Variants in TRPM3 observed in about 807,000 individuals in gnomAD.
The protein encoded by TRPM3 is long transient receptor potential channel 3.
TRPM3 carries 77 observed loss-of-function variants against 181.2 expected under a neutral mutation model. The ratio of observed to expected loss-of-function variants is 0.42; its 90% confidence interval spans 0.35 to 0.51. TRPM3 has a LOEUF of 0.51. Ranked by LOEUF, TRPM3 falls within the 20% of genes least tolerant of loss-of-function variation. The probability of loss-of-function intolerance (pLI) is 0.01; values close to 1 mark genes in which losing one functional copy is unlikely to be tolerated. For synonymous variants in TRPM3, 745 were observed against 796.4 expected, an observed-to-expected ratio of 0.94 and a Z score of 1.09; for missense variants, 1,759 against 2,196.7, an observed-to-expected ratio of 0.80 and a Z score of 3.98.
intron 6 of TRPM3, among the ~76,000 whole-genome samples, chr9:70,799,066 G>A (rs747588947): frequency 6.6e-6 from 1 of 152,200 alleles, no homozygotes; most frequent in Non-Finnish European, 1.5e-5. Context: ...CAGCTAAAGC[G>A]ACAAAGTATC....
rs376967515 is a variant in TRPM3, at chr9:71,446,068, T to C, written c.183+585A>G. Among the ~76,000 whole-genome samples, 10 of 152,334 alleles carry C rather than the reference T, an allele frequency of 6.6e-5. No individual in the cohort carries two copies. In the South Asian group the frequency reaches 1.9e-3, roughly 28 times the overall value. ...TAGACAGTGAAGAGGAGCTGACACA[T>C]GGGAAAACTTGTCTGAACGCTGTAT... On this transcript the variant is annotated intron_variant, in intron 1 of 24. Coordinates refer to the TRPM3 transcript ENST00000357533.
chr9:71,375,916 T>C (rs1395233778), intron 1 of TRPM3, among the ~76,000 whole-genome samples: 1 of 152,138 alleles, frequency 6.6e-6, no homozygotes, highest in African/African-American at 2.4e-5. Context: ...CAGTGTAGTG[T>C]AAACATAACA....
chr9:70,984,826 TTAA>T (rs2097402771), intron 1 of TRPM3, among the ~76,000 whole-genome samples: 1 of 152,232 alleles, frequency 6.6e-6, no homozygotes, highest in African/African-American at 2.4e-5. Context: ...AGAGAACAAA[TTAA>T]TGTTATTTTA....
chr9:71,319,074 T>A (rs1473631000), intron 1 of TRPM3, among the ~76,000 whole-genome samples: 1 of 152,210 alleles, frequency 6.6e-6, no homozygotes, highest in African/African-American at 2.4e-5. Context: ...GTTTTTTATT[T>A]TTAGTATTTC....
At chr9:71,251,562 A>T (rs977662986) in intron 1 of TRPM3, among the ~76,000 whole-genome samples, 1 of 152,112 alleles carries the variant, frequency 6.6e-6, no homozygotes. Flanking sequence ...CTCCAAAGGA[A>T]TTTTTTTAAT....
At chr9:70,606,204 ATCTGTCTG>A (rs936827222) in intron 19 of TRPM3, among the ~76,000 whole-genome samples, 9 of 152,108 alleles carry the variant, frequency 5.9e-5, no homozygotes, top group Admixed American at 4.6e-4. Flanking sequence ...ATATCTATCT[ATCTGTCTG>A]TCTGTATCTC....
At chr9:70,907,146 T>A (rs1360667343) in intron 1 of TRPM3, among the ~76,000 whole-genome samples, 1 of 152,214 alleles carries the variant, frequency 6.6e-6, no homozygotes, top group Non-Finnish European at 1.5e-5. Flanking sequence ...TGTTTAAATA[T>A]GTCTACTTGC....
rs553657522 is a variant in TRPM3 at position 71,394,698 on chromosome 9, T to A, written c.183+51955A>T. Reference sequence around the variant, plus strand: ...CTATGTCACACAATCTTTTCTCAGATCCACAGTAAAGTTTTCCCTGGTTGA... The same window carrying A: ...CTATGTCACACAATCTTTTCTCAGAACCACAGTAAAGTTTTCCCTGGTTGA... On this transcript the variant is annotated intron_variant, in intron 1 of 24. Transcript: ENST00000357533. Among the ~76,000 whole-genome samples the A allele has an allele frequency of 4.6e-5, 7 of 152,312 alleles. No homozygotes were observed. The East Asian group carries it at 1.2e-3, about 25-fold the overall frequency.
chr9:71,306,866 C>T (rs1036973764), intron 1 of TRPM3, among the ~76,000 whole-genome samples: 4 of 149,812 alleles, frequency 2.7e-5, no homozygotes, highest in East Asian at 3.9e-4. Flanking sequence ...AGCGAGACTC[C>T]GTCTCAACAA....
At chr9:70,660,477 T>C (rs1270849814) in intron 9 of TRPM3, among the ~76,000 whole-genome samples, 1 of 152,112 alleles carries the variant, frequency 6.6e-6, no homozygotes, top group Non-Finnish European at 1.5e-5. Context: ...ATCCTACATA[T>C]GTTGACTGAT....
rs199563585 is a variant in TRPM3 at position 71,239,831 on chromosome 9, T to C, written c.183+206822A>G. On this transcript the variant is annotated intron_variant, in intron 1 of 24. Coordinates refer to the TRPM3 transcript ENST00000357533. ...ACATGCTTTCATGTAAGTTATTGAC[T>C]CCAAGTACTTAAGTGTACCAAATAT... Among the ~76,000 whole-genome samples the C allele has an allele frequency of 5.9e-5, 9 of 152,216 alleles. 1 individual carries two copies. The East Asian group carries it at 1.7e-3, about 29-fold the overall frequency.
intron 1 of TRPM3, among the ~76,000 whole-genome samples, chr9:71,032,032 A>ATATAT (rs367885538): frequency 2.9e-3 from 24 of 8,202 alleles, no homozygotes; most frequent in South Asian, 0.01. Flanking sequence ...TATATAATAT[A>ATATAT]AATATATATA....
intron 1 of TRPM3, among the ~76,000 whole-genome samples, chr9:71,022,258 A>T (rs1462241145): frequency 6.6e-6 from 1 of 152,226 alleles, no homozygotes; most frequent in Non-Finnish European, 1.5e-5. Context: ...TGTCTAACCA[A>T]TTTTTGACAA....
intron 1 of TRPM3, among the ~76,000 whole-genome samples, chr9:71,193,079 T>C (rs1347109505): frequency 1.3e-5 from 2 of 151,924 alleles, no homozygotes; most frequent in African/African-American, 4.8e-5. Context: ...TTAAAAGCTA[T>C]TTATGACACT....
chr9:71,249,178 T>C (rs1254077367), intron 1 of TRPM3, among the ~76,000 whole-genome samples: 1 of 152,182 alleles, frequency 6.6e-6, no homozygotes, highest in Non-Finnish European at 1.5e-5. Context: ...CTTTGTTTTA[T>C]AAAATGCCAA....
chr9:70,550,662 C>T (rs868520447), intron 24 of TRPM3, among the ~76,000 whole-genome samples: 104 of 152,282 alleles, frequency 6.8e-4, no homozygotes, highest in African/African-American at 2.3e-3. Context: ...CTTCTAATCC[C>T]ATGCCCTCGA....
At chr9:70,794,873 AG>A (rs1175289500) in intron 6 of TRPM3, among the ~76,000 whole-genome samples, 2 of 152,224 alleles carry the variant, frequency 1.3e-5, no homozygotes, top group Non-Finnish European at 1.5e-5. Flanking sequence ...ATACATAAAA[AG>A]TATACAGTTG....
chr9:70,846,549 G>T lies in TRPM3; in HGVS notation c.505C>A (p.His169Asn). 6.2e-7 allele frequency: 1 copy of T among 1,614,124 alleles called. No individual in the cohort carries two copies. Among genetic ancestry groups the T allele is most frequent in the Non-Finnish European group, 8.5e-7 (1 of 1,180,014 alleles). Residue 169 changes from histidine (H) to asparagine (N), a missense_variant, in exon 4 of 26, where the codon CAC (histidine) becomes AAC (asparagine). Transcript: ENST00000677713. ...SFDTKPDLLL[H>N]LMTKEWQLEL... ...AACTGCCATTCCTTGGTCATCAGGT[G>T]TAAGAGGAGATCAGGTTTTGTATCA...
chr9:70,699,251 G>C (rs1344885641), intron 8 of TRPM3, among the ~76,000 whole-genome samples: 1 of 152,166 alleles, frequency 6.6e-6, no homozygotes, highest in Non-Finnish European at 1.5e-5. Context: ...AAGGGCTAAG[G>C]AGACAAAGGT....
Sources: gnomAD v4.1 joint callset for allele counts (sites outside exome capture counted in the v4.1 genomes callset) on GRCh38, gnomAD v4.1.1 for gene constraint, MANE v1.5 for transcripts, NCBI Gene and HGNC (gene_info 2026-07-23, HGNC 2026-07-21) for gene names.